Variants in APOB observed in about 807,000 individuals in gnomAD.
APOB encodes the protein apolipoprotein B.
APOB carries 153 observed loss-of-function variants against 314.1 expected under a neutral mutation model. The observed-to-expected ratio is 0.49, with a 90% CI of 0.43 to 0.56. The LOEUF (loss-of-function observed/expected upper bound fraction) is 0.56, where lower values mean the gene tolerates loss of function less well. APOB is among the 20% of genes least tolerant of loss of function. APOB has a pLI of 0.00. For missense variants in APOB, 5,430 were observed against 5,350.7 expected (o/e 1.01, Z -0.46); for synonymous variants, 2,087 against 2,036.4 (o/e 1.02, Z -0.67).
At chr2:21,015,019 G>T in intron 23 of APOB, 54 bp downstream of exon 23, 1 of 1,527,056 alleles carries the variant, frequency 6.5e-7, no homozygotes, top group Non-Finnish European at 9.1e-7. Context: ...CAGAGTTGAG[G>T]ATGTAATTAG....
Position 21,006,849 on chromosome 2 carries a change from T to A in APOB, c.10019A>T (p.Asp3340Val). Residue 3340 changes from aspartate (D) to valine (V), a missense_variant, in exon 26 of 29, where the codon GAT becomes GTT. Transcript: ENST00000233242. ...FIPAMGNITY[D>V]FSFKSSVITL... Reference sequence around the variant, plus strand: ...GATGACACTTGATTTAAAGGAGAAATCATAGGTAATATTGCCCATGGCAGG... The same window carrying A: ...GATGACACTTGATTTAAAGGAGAAAACATAGGTAATATTGCCCATGGCAGG... 6.2e-7 allele frequency: 1 copy of A among 1,614,056 alleles called. No homozygotes were observed. Among genetic ancestry groups the A allele is most frequent in the Non-Finnish European group, 8.5e-7 (1 of 1,179,948 alleles).
chr2:21,037,423 GC>G (rs1664032472), intron 5 of APOB, among the ~76,000 whole-genome samples, 168 bp from the exon 6 acceptor site: 1 of 152,166 alleles, frequency 6.6e-6, no homozygotes, highest in African/African-American at 2.4e-5. Context: ...TGCCTGGCCA[GC>G]CCAAGTTGGG....
At chr2:21,034,783 T>C (rs781703691) in intron 8 of APOB, 33 bp downstream of exon 8, 32 of 1,284,820 alleles carry the variant, frequency 2.5e-5, no homozygotes, top group Non-Finnish European at 3.5e-5. Flanking sequence ...CTTGAGTAGA[T>C]TTTCCAGCAA....
chr2:21,013,449 A>G lies in APOB; in HGVS notation c.3927T>C (p.Asp1309=). The G allele has an allele frequency of 6.2e-7, 1 of 1,614,168 alleles. No individual in the cohort carries two copies. Among genetic ancestry groups the G allele is most frequent in the Non-Finnish European group, 8.5e-7 (1 of 1,180,024 alleles). The change falls in exon 25 of 29, where the codon GAT becomes GAC. Residue 1309 remains aspartate (D), a synonymous_variant. Transcript: ENST00000233242. Reference sequence around the variant, plus strand: ...TCCTAACAGTCTCTAACATCTTTAGATCTCTGGAGGATTTGCCACCAAAAG... The same window carrying G: ...TCCTAACAGTCTCTAACATCTTTAGGTCTCTGGAGGATTTGCCACCAAAAG... ...PLPFGGKSSR[D]LKMLETVRTP...
intron 4 of APOB, among the ~76,000 whole-genome samples, chr2:21,038,430 G>T (rs1207207884): frequency 6.6e-6 from 1 of 151,916 alleles, no homozygotes; most frequent in Non-Finnish European, 1.5e-5. Flanking sequence ...TCCACCTCCT[G>T]GGATCAAGTG....
Position 21,008,049 on chromosome 2 carries a change from C to T in APOB, c.8819G>A (p.Gly2940Glu), listed in dbSNP as rs370930071. ...GAAACTAATTTGTGATTCATGTGTTCCCTCATCTGAGAATCTGGGGCAGGC... is the reference window on the plus strand; with the variant it reads ...GAAACTAATTTGTGATTCATGTGTTTCCTCATCTGAGAATCTGGGGCAGGC... ...KWACPRFSDEGTHESQISFTI... is the reference protein window; with the variant it reads ...KWACPRFSDEETHESQISFTI... The change falls in exon 26 of 29, where the codon GGA (glycine) becomes GAA (glutamate). Residue 2940 changes from glycine (G) to glutamate (E), a missense_variant. Gly to Glu is a moderately conservative substitution (Grantham distance 98). Coordinates refer to ENST00000233242, the MANE Select transcript of APOB (RefSeq NM_000384.3). 6 of 1,614,066 alleles carry T rather than the reference C, an allele frequency of 3.7e-6. No homozygotes were observed. Among genetic ancestry groups the T allele is most frequent in the Non-Finnish European group, 5.1e-6 (6 of 1,179,962 alleles).
chr2:21,031,852 AAAC>A (rs1359590801), intron 10 of APOB, among the ~76,000 whole-genome samples: 5 of 151,948 alleles, frequency 3.3e-5, no homozygotes, highest in Admixed American at 6.6e-5. Context: ...CATCTCAAAA[AAAC>A]AACAACAACA....
rs1572781927 is a variant in APOB at position 21,009,230 on chromosome 2, A to C, written c.7638T>G (p.Leu2546=). The part of the protein sequence containing the change: ...LSLVGQVYST[L]VTYISDWWTL... ...TCCACCAATCAGAAATGTAGGTGACAAGTGTGCTATAAACCTGGCCTACCA... is the reference window on the plus strand; with the variant it reads ...TCCACCAATCAGAAATGTAGGTGACCAGTGTGCTATAAACCTGGCCTACCA... Residue 2546 remains leucine (L), a synonymous_variant, in exon 26 of 29, where the codon CTT becomes CTG. Transcript: ENST00000233242. 6.2e-7 allele frequency: 1 copy of C among 1,614,086 alleles called. No individual in the cohort carries two copies. Among genetic ancestry groups the C allele is most frequent in the Non-Finnish European group, 8.5e-7 (1 of 1,179,976 alleles).
Position 21,002,050 on chromosome 2 carries a change from G to T in APOB, c.13372C>A (p.Pro4458Thr). 2 of 1,613,938 alleles carry T rather than the reference G, an allele frequency of 1.2e-6. No homozygotes were observed. Among genetic ancestry groups the T allele is most frequent in the Non-Finnish European group, 8.5e-7 (1 of 1,179,972 alleles). ...IQEYLSILTD[P>T]DGKGKEKIAE... ...ATCTTCTCTTTCCCTTTTCCATCTGGATCGGTAAGGATGCTAAGATATTCC... is the reference window on the plus strand; with the variant it reads ...ATCTTCTCTTTCCCTTTTCCATCTGTATCGGTAAGGATGCTAAGATATTCC... Residue 4458 changes from proline (P) to threonine (T), a missense_variant, in exon 29 of 29, where the codon CCA (proline) becomes ACA (threonine). Pro to Thr is a conservative substitution (Grantham distance 38). Coordinates refer to ENST00000233242, the MANE Select transcript of APOB (RefSeq NM_000384.3).
Position 21,040,062 on chromosome 2 carries a change from C to T in APOB, c.383+876G>A, listed in dbSNP as rs562151309. ...TTGAATCATGGGGGCAGGTCTTTCC[C>T]GTGCTGTTCTCGTGATTGCAGATGG... On this transcript the variant is annotated intron_variant, in intron 4 of 28. Coordinates refer to ENST00000233242, the MANE Select transcript of APOB (RefSeq NM_000384.3). 3.9e-5 allele frequency among the ~76,000 whole-genome samples: 6 copies of T among 152,164 alleles called. No individual in the cohort carries two copies. The East Asian group carries it at 5.8e-4, about 15-fold the overall frequency.
At position 21,002,227 on chromosome 2, in the gene APOB, T is replaced by G. The variant is rs1406106443; in HGVS notation, c.13195A>C (p.Lys4399Gln). 6.2e-7 allele frequency: 1 copy of G among 1,613,888 alleles called. No homozygotes were observed. Among genetic ancestry groups the G allele is most frequent in the Non-Finnish European group, 8.5e-7 (1 of 1,179,972 alleles). The change falls in exon 29 of 29, where the codon AAA becomes CAA. Residue 4399 changes from lysine (K) to glutamine (Q), a missense_variant. By Grantham distance (53) the Lys-to-Gln change is moderately conservative (BLOSUM62 1). Around this residue, in one of 3 missense-constraint regions of APOB, gnomAD observed 3,281 missense variants for 3,171.0 expected, o/e 1.03. Transcript: ENST00000233242. ...ATCTTTTCTTCAAGTTCATAATATTTCACTGTCCAGCCAACTATACTTGGA... is the reference window on the plus strand; with the variant it reads ...ATCTTTTCTTCAAGTTCATAATATTGCACTGTCCAGCCAACTATACTTGGA... ...FDPSIVGWTV[K>Q]YYELEEKIVS...
chr2:21,027,707 T>A (rs1392003810), intron 14 of APOB, 121 bp downstream of exon 14: 2 of 803,040 alleles, frequency 2.5e-6, no homozygotes, highest in Non-Finnish European at 4.4e-6. Context: ...AGCCTCAGAA[T>A]CATGGTAGGA....
intron 21 of APOB, 101 bp from the exon 22 acceptor site, chr2:21,015,646 C>A (rs1450183784): frequency 1.5e-5 from 19 of 1,281,542 alleles, no homozygotes; most frequent in African/African-American, 2.9e-5. Flanking sequence ...AAACCAGATA[C>A]AAGGATGGTT....
intron 17 of APOB, 63 bp from the exon 18 acceptor site, chr2:21,023,105 C>G: frequency 7.0e-7 from 1 of 1,427,020 alleles, no homozygotes; most frequent in African/African-American, 1.4e-5. Flanking sequence ...TCAGTCAGAT[C>G]AACCACCCTT....
Position 21,012,251 on chromosome 2 carries a change from A to G in APOB, c.4617T>C (p.Asp1539=). ...GTNQITGRYE[D]GTLSLTSTSD... is the part of the protein sequence containing the mutation. Reference sequence around the variant, plus strand: ...AGGTGGAGGTGAGGGAGAGGGTTCCATCTTCATATCTTCCTGTTATCTGGT... The same window carrying G: ...AGGTGGAGGTGAGGGAGAGGGTTCCGTCTTCATATCTTCCTGTTATCTGGT... The change falls in exon 26 of 29, where the codon GAT becomes GAC. Residue 1539 remains aspartate, a synonymous_variant. Coordinates refer to ENST00000233242, the MANE Select transcript of APOB (RefSeq NM_000384.3). 6.2e-7 allele frequency: 1 copy of G among 1,612,328 alleles called. No homozygotes were observed. Among genetic ancestry groups the G allele is most frequent in the Non-Finnish European group, 8.5e-7 (1 of 1,178,614 alleles).
rs1663182120 is a variant in APOB, at chr2:21,007,628, G to A, written c.9240C>T (p.Pro3080=). The part of the protein sequence containing the change: ...FLNNYALFLS[P]SAQQASWQVS... The stretch of plus-strand genomic sequence containing the variant: ...CTTGCCAACTTGCTTGCTGGGCACT[G>A]GGACTCAGAAACAGTGCATAGTTAT... The change falls in exon 26 of 29, where the codon CCC becomes CCT. Residue 3080 remains proline, a synonymous_variant. Transcript: ENST00000233242. 6.2e-7 allele frequency: 1 copy of A among 1,613,906 alleles called. No individual in the cohort carries two copies. Among genetic ancestry groups the A allele is most frequent in the South Asian group, 1.1e-5 (1 of 91,074 alleles).
Position 21,010,431 on chromosome 2 carries a change from G to T in APOB, c.6437C>A (p.Thr2146Lys). The T allele has an allele frequency of 6.2e-7, 1 of 1,601,308 alleles. No homozygotes were observed. The highest frequency in any genetic ancestry group is 1.7e-5 in the Admixed American group (1 of 58,608). The change falls in exon 26 of 29, where the codon ACA (threonine) becomes AAA (lysine). Residue 2146 changes from threonine to lysine, a missense_variant. Coordinates refer to ENST00000233242, the MANE Select transcript of APOB (RefSeq NM_000384.3). ...SHAKEKLTAL[T>K]KKYRITENDI... ...ATTTTCTGTAATTCTATACTTTTTTGTGAGAGCAGTCAGTTTCTCCTTGGC... is the reference window on the plus strand; with the variant it reads ...ATTTTCTGTAATTCTATACTTTTTTTTGAGAGCAGTCAGTTTCTCCTTGGC...
At position 21,006,158 on chromosome 2, in the gene APOB, G is replaced by C. The variant is rs755461397; in HGVS notation, c.10710C>G (p.His3570Gln). 3 of 1,614,050 alleles carry C rather than the reference G, an allele frequency of 1.9e-6. No homozygotes were observed. Among genetic ancestry groups the C allele is most frequent in the Non-Finnish European group, 1.7e-6 (2 of 1,179,960 alleles). ...TGAAAAAGAGGCCCTCTAGCTGTAA[G>C]TGGTTTTTCGTACTGTGCTCCCAGA... ...YSLWEHSTKNHLQLEGLFFTN... is the reference protein window; with the variant it reads ...YSLWEHSTKNQLQLEGLFFTN... The change falls in exon 26 of 29, where the codon CAC becomes CAG. Residue 3570 changes from histidine (H) to glutamine (Q), a missense_variant. His to Gln is a conservative substitution (Grantham distance 24). Coordinates refer to ENST00000233242, the MANE Select transcript of APOB (RefSeq NM_000384.3).
In APOB at chr2:21,033,560, T is replaced by G; in HGVS notation, c.905-42A>C. The G allele has an allele frequency of 2.0e-6, 3 of 1,521,662 alleles. No individual in the cohort carries two copies. In the East Asian group the frequency reaches 6.8e-5, roughly 34 times the overall value. The allele number at this position is 1,521,662 out of a possible 1,614,324, so 94.3% of individuals were successfully genotyped here. On this transcript the variant is annotated intron_variant, in intron 8 of 28. Transcript: ENST00000233242. ...GTCAAAGGAACTCTAGCTTTCTTCA[T>G]CTCAACCATATCTTTGTCTACTGGA...
Sources: allele counts gnomAD v4.1 joint callset (sites outside exome capture counted in the v4.1 genomes callset), GRCh38; gene constraint gnomAD v4.1.1; regional missense constraint gnomAD v4.1.1; transcripts MANE v1.5; gene names NCBI Gene and HGNC (gene_info 2026-07-23, HGNC 2026-07-21).